The following PKHD1 variants were observed in gnomAD, a reference collection of about 807,000 sequenced individuals.
The protein encoded by PKHD1 is fibrocystin.
Under a neutral mutation model 412.0 loss-of-function variants are expected in PKHD1, and 291 were observed. The ratio of observed to expected loss-of-function variants is 0.71; its 90% CI spans 0.64 to 0.78. The LOEUF (loss-of-function observed/expected upper bound fraction) is 0.78. Ranked by LOEUF, PKHD1 falls within the 30% of genes least tolerant of loss-of-function variation. The pLI is 0.00. For synonymous variants in PKHD1, 1,777 were observed against 1,821.5 expected (o/e 0.98, Z 0.62); for missense variants, 4,825 against 4,950.7 (o/e 0.97, Z 0.76).
At chr6:51,756,274 C>T (rs1786997342) in intron 55 of PKHD1, among the ~76,000 whole-genome samples, 1 of 152,056 alleles carries the variant, frequency 6.6e-6, no homozygotes, top group Non-Finnish European at 1.5e-5. Flanking sequence ...GCACCACAAG[C>T]TTTGAAAGGC....
intron 49 of PKHD1, among the ~76,000 whole-genome samples, chr6:51,851,531 C>A (rs186704794): frequency 3.1e-4 from 47 of 152,116 alleles, no homozygotes; most frequent in African/African-American, 1.0e-3. Context: ...TAGTCCTGGG[C>A]TTTTTTTGGT....
rs935236428 is a variant in PKHD1 at position 51,900,363 on chromosome 6, G to A, written c.6996+3234C>T. On this transcript the variant is annotated intron_variant, in intron 43 of 66. Coordinates refer to ENST00000371117, the MANE Select transcript of PKHD1 (RefSeq NM_138694.4). ...ACAGAACAGAGCCCTCAGAAATAAC[G>A]CTGCATATCTACAACTATCTGATCT... 3.4e-4 allele frequency among the ~76,000 whole-genome samples: 52 copies of A among 151,994 alleles called. 1 individual carries two copies. Among genetic ancestry groups the A allele is most frequent in the African/African-American group, 9.7e-4 (40 of 41,372 alleles).
intron 41 of PKHD1, among the ~76,000 whole-genome samples, chr6:51,905,578 A>G (rs1420661460): frequency 6.6e-6 from 1 of 151,994 alleles, no homozygotes; most frequent in Non-Finnish European, 1.5e-5. Context: ...GGAGAAAGAG[A>G]AAAAAAACAA....
chr6:51,834,658 G>A (rs926747568), intron 51 of PKHD1, among the ~76,000 whole-genome samples: 7 of 152,118 alleles, frequency 4.6e-5, no homozygotes, highest in African/African-American at 9.7e-5. Flanking sequence ...TTTGGCACTA[G>A]CACAGATACT....
chr6:52,048,828 A>T (rs1019039999), intron 22 of PKHD1, among the ~76,000 whole-genome samples: 6 of 152,170 alleles, frequency 3.9e-5, no homozygotes, highest in African/African-American at 1.4e-4. Context: ...TTTCAGAGCT[A>T]AAAACGTTGG....
intron 66 of PKHD1, among the ~76,000 whole-genome samples, chr6:51,620,102 C>T (rs1274971693): frequency 6.6e-6 from 1 of 152,172 alleles, no homozygotes; most frequent in Non-Finnish European, 1.5e-5. Flanking sequence ...GGCCCAAGTT[C>T]CCCTTCTCCT....
chr6:52,010,446 T>C lies in PKHD1; in HGVS notation c.5614A>G (p.Arg1872Gly), dbSNP rs1231214149. The C allele has an allele frequency of 6.2e-7, 1 of 1,604,098 alleles. No individual in the cohort carries two copies. Residue 1872 changes from arginine (R) to glycine (G), a missense_variant, in exon 35 of 67, where the codon AGA becomes GGA. Arg to Gly is a moderately radical substitution (Grantham distance 125). Transcript: ENST00000371117. ...SGLFISPKLERDEVLIYNSSC... is the reference protein window; with the variant it reads ...SGLFISPKLEGDEVLIYNSSC... ...CTATTATAGATGAGAACTTCATCTCTTTCCAATTTAGGGCTGAAACGAGAG... is the reference window on the plus strand; with the variant it reads ...CTATTATAGATGAGAACTTCATCTCCTTCCAATTTAGGGCTGAAACGAGAG...
intron 37 of PKHD1, among the ~76,000 whole-genome samples, chr6:51,932,640 A>G (rs1786820990): frequency 6.6e-6 from 1 of 152,228 alleles, no homozygotes; most frequent in Non-Finnish European, 1.5e-5. Flanking sequence ...AAATCAATGT[A>G]GTTGCTTGCT....
chr6:51,784,858 G>C (rs1353707725), intron 53 of PKHD1, among the ~76,000 whole-genome samples: 1 of 151,966 alleles, frequency 6.6e-6, no homozygotes, highest in East Asian at 1.9e-4. Context: ...GCTTTTTCTT[G>C]TCTCTATAGT....
chr6:52,066,922 T>G lies in PKHD1; in HGVS notation c.779-845A>C, dbSNP rs1378271663. On this transcript the variant is annotated intron_variant, in intron 11 of 66. Transcript: ENST00000371117. ...CTCAAGAAAAAATAAAATAAAAAAT[T>G]TAAAAAAAGAAATTACCTACAGTAA... Among the ~76,000 whole-genome samples, 4 of 152,018 alleles carry G rather than the reference T, an allele frequency of 2.6e-5. No homozygotes were observed. The East Asian group carries it at 5.8e-4, about 22-fold the overall frequency.
chr6:51,776,837 C>A (rs1422327099), intron 53 of PKHD1, among the ~76,000 whole-genome samples: 2 of 151,966 alleles, frequency 1.3e-5, no homozygotes, highest in African/African-American at 4.8e-5. Flanking sequence ...TTCTTTCTGA[C>A]CTAATTTTAT....
chr6:52,048,984 A>C (rs1806317545), intron 22 of PKHD1, among the ~76,000 whole-genome samples: 1 of 152,252 alleles, frequency 6.6e-6, no homozygotes, highest in African/African-American at 2.4e-5. Context: ...GCACGGGTTC[A>C]AACTTTCTGC....
At chr6:51,751,194 G>A (rs746050024) in intron 57 of PKHD1, among the ~76,000 whole-genome samples, 1 of 152,156 alleles carries the variant, frequency 6.6e-6, no homozygotes, top group Non-Finnish European at 1.5e-5. Context: ...AGGAAGAGAA[G>A]AATGATGGAG....
chr6:51,830,855 A>T lies in PKHD1; in HGVS notation c.8302+6T>A, dbSNP rs1346779245. 1 of 1,612,128 alleles carries T rather than the reference A, an allele frequency of 6.2e-7. No homozygotes were observed. Among genetic ancestry groups the T allele is most frequent in the Non-Finnish European group, 8.5e-7 (1 of 1,178,630 alleles). ...TGTGATTCATCTCTTGGGTAGTTTTACTCACTGGGTAAAATGAGAACGTCA... is the reference window on the plus strand; with the variant it reads ...TGTGATTCATCTCTTGGGTAGTTTTTCTCACTGGGTAAAATGAGAACGTCA... On this transcript the variant is annotated splice_donor_region_variant and intron_variant, in intron 52 of 66. Transcript: ENST00000371117.
At chr6:51,962,475 C>T (rs1792200376) in intron 35 of PKHD1, among the ~76,000 whole-genome samples, 1 of 152,094 alleles carries the variant, frequency 6.6e-6, no homozygotes, top group African/African-American at 2.4e-5. Flanking sequence ...CCATTTGCTG[C>T]CTTCCATGTG....
intron 43 of PKHD1, among the ~76,000 whole-genome samples, chr6:51,901,155 A>T (rs1364294246): frequency 1.3e-5 from 2 of 152,228 alleles, no homozygotes; most frequent in Non-Finnish European, 2.9e-5. Flanking sequence ...TGACCCAGCC[A>T]TCCCATTACT....
At position 51,912,510 on chromosome 6, in the gene PKHD1, G is replaced by C. The variant is rs764486221; in HGVS notation, c.6188C>G (p.Ala2063Gly). ...ATAHALDTVL[A>G]LEDAVDWNPG... Reference sequence around the variant, plus strand: ...GTTCCAGTCCACAGCATCTTCTAAAGCCAGCACTGTGTCTAGGGCATGGGC... The same window carrying C: ...GTTCCAGTCCACAGCATCTTCTAAACCCAGCACTGTGTCTAGGGCATGGGC... Residue 2063 changes from alanine to glycine, a missense_variant, in exon 38 of 67, where the codon GCT becomes GGT. Transcript: ENST00000371117. 5.0e-6 allele frequency: 8 copies of C among 1,613,294 alleles called. No homozygotes were observed. Among genetic ancestry groups the C allele is most frequent in the East Asian group, 2.2e-5 (1 of 44,856 alleles).
intron 55 of PKHD1, among the ~76,000 whole-genome samples, chr6:51,756,447 G>A (rs1787023007): frequency 6.6e-6 from 1 of 152,086 alleles, no homozygotes; most frequent in African/African-American, 2.4e-5. Context: ...TTCTTCAGGT[G>A]CTAAATGGTA....
At chr6:51,745,040 G>C (rs983522572) in intron 59 of PKHD1, among the ~76,000 whole-genome samples, 1 of 152,172 alleles carries the variant, frequency 6.6e-6, no homozygotes, top group Non-Finnish European at 1.5e-5. Context: ...AGAATTTAGA[G>C]TCAAGTGGGC....
Sources: allele counts gnomAD v4.1 joint callset (sites outside exome capture counted in the v4.1 genomes callset), GRCh38; gene constraint gnomAD v4.1.1; transcripts MANE v1.5; gene names NCBI Gene and HGNC (gene_info 2026-07-23, HGNC 2026-07-21).